ANKRD31: variants seen among roughly 807,000 people sequenced by gnomAD.
ANKRD31 encodes ankyrin repeat domain 31, also known as ankyrin repeat domain-containing protein 31.
ANKRD31 carries 147 observed loss-of-function variants against 186.0 expected under a neutral mutation model. The ratio of observed to expected loss-of-function variants is 0.79; its 90% CI spans 0.69 to 0.91. The LOEUF (loss-of-function observed/expected upper bound fraction) is 0.91, where lower values mean the gene tolerates loss of function less well. ANKRD31 is among the 40% of genes least tolerant of loss of function. ANKRD31 has a pLI of 0.00. For synonymous variants in ANKRD31, 673 were observed against 736.4 expected, an observed-to-expected ratio of 0.91 and a Z score of 1.39; for missense variants, 1,986 against 2,148.8, an observed-to-expected ratio of 0.92 and a Z score of 1.50.
At chr5:75,094,649 CA>C (rs1746174779) in intron 22 of ANKRD31, among the ~76,000 whole-genome samples, 1 of 151,644 alleles carries the variant, frequency 6.6e-6, no homozygotes, top group Non-Finnish European at 1.5e-5. Context: ...TATATTGAAA[CA>C]AAAAATAAAA....
chr5:75,214,052 G>C (rs762524363), intron 3 of ANKRD31, among the ~76,000 whole-genome samples: 1 of 152,196 alleles, frequency 6.6e-6, no homozygotes, highest in South Asian at 2.1e-4. Context: ...CTTTCTTTCA[G>C]AGTGAGGTAC....
intron 6 of ANKRD31, among the ~76,000 whole-genome samples, chr5:75,198,460 G>C (rs781612785): frequency 2.6e-5 from 4 of 152,122 alleles, no homozygotes; most frequent in African/African-American, 7.2e-5. Flanking sequence ...AAAAATACTT[G>C]GTTGAGCAAA....
Position 75,196,089 on chromosome 5 carries a change from T to A in ANKRD31, c.559A>T (p.Ile187Phe). The stretch of plus-strand genomic sequence containing the variant: ...AAAAATGTATTTGGTGCTGCTAAAA[T>A]CTTCTCTGGCTCTACTAATGATGTC... ...KETSLVEPEK[I>F]LAAPNTFFEP... Residue 187 changes from isoleucine to phenylalanine, a missense_variant, in exon 7 of 26, where the codon ATT becomes TTT. By Grantham distance (21) the Ile-to-Phe change is conservative (BLOSUM62 0). Coordinates refer to ENST00000506364, the MANE Select transcript of ANKRD31 (RefSeq NM_001372053.1). The A allele has an allele frequency of 6.5e-7, 1 of 1,536,948 alleles. No homozygotes were observed. The highest frequency in any genetic ancestry group is 1.2e-5 in the South Asian group (1 of 84,008).
At chr5:75,132,477 A>C (rs6874412) in intron 17 of ANKRD31, among the ~76,000 whole-genome samples, 2,167 of 152,298 alleles carry the variant, frequency 0.014, 48 homozygotes, top group African/African-American at 0.047. Flanking sequence ...AAAAAGAGTA[A>C]AAAGAAATGA....
Position 75,105,196 on chromosome 5 carries a change from G to A in ANKRD31, c.4363C>T (p.His1455Tyr), listed in dbSNP as rs1301263989. 6.5e-6 allele frequency: 10 copies of A among 1,527,694 alleles called. No homozygotes were observed. Among genetic ancestry groups the A allele is most frequent in the Non-Finnish European group, 7.0e-6 (8 of 1,143,872 alleles). 94.6% of individuals were successfully genotyped at this position (1,527,694 alleles called of 1,614,324 possible). A position where few individuals can be genotyped will look rare whatever the true frequency, so the allele number is the denominator to read the frequency against. The change falls in exon 22 of 26, where the codon CAT becomes TAT. Residue 1455 changes from histidine (H) to tyrosine (Y), a missense_variant. Transcript: ENST00000506364. ...GCCAATTGTTCTCTCAGGGCTCCAT[G>A]CTTAAATGACTCTATGGATACCCTA... ...KYRVSIESFKHGALREQLANL... is the reference protein window; with the variant it reads ...KYRVSIESFKYGALREQLANL...
intron 10 of ANKRD31, among the ~76,000 whole-genome samples, chr5:75,175,764 T>C (rs890538692): frequency 3.9e-5 from 6 of 151,902 alleles, no homozygotes; most frequent in Admixed American, 3.9e-4. Context: ...GGAGCCAAGA[T>C]GGCCGAACAG....
chr5:75,135,799 G>T (rs1295764579), intron 17 of ANKRD31, among the ~76,000 whole-genome samples: 2 of 152,116 alleles, frequency 1.3e-5, no homozygotes, highest in African/African-American at 2.4e-5. Context: ...AAACAGCATG[G>T]TACTGGCACC....
chr5:75,174,234 T>C (rs1029977677), intron 10 of ANKRD31, among the ~76,000 whole-genome samples: 1 of 152,182 alleles, frequency 6.6e-6, no homozygotes, highest in Non-Finnish European at 1.5e-5. Flanking sequence ...TAATTCAAGA[T>C]GGATTAAAGA....
At chr5:75,229,676 C>G (rs899760038) in intron 2 of ANKRD31, among the ~76,000 whole-genome samples, 1 of 151,830 alleles carries the variant, frequency 6.6e-6, no homozygotes, top group Non-Finnish European at 1.5e-5. Context: ...ACCAGCCTGG[C>G]CAATATGGTG....
At chr5:75,131,290 G>A (rs1006057605) in intron 17 of ANKRD31, among the ~76,000 whole-genome samples, 1 of 152,208 alleles carries the variant, frequency 6.6e-6, no homozygotes, top group Admixed American at 6.5e-5. Flanking sequence ...AGGCCGAGGA[G>A]GCACCGAGAG....
intron 23 of ANKRD31, among the ~76,000 whole-genome samples, chr5:75,085,824 A>T (rs2150022098): frequency 6.6e-6 from 1 of 152,362 alleles, no homozygotes; most frequent in East Asian, 1.9e-4. Context: ...CATGAAAAGC[A>T]TCTGGCATAC....
At chr5:75,192,947 G>A (rs1461848876) in intron 8 of ANKRD31, among the ~76,000 whole-genome samples, 171 bp from the exon 9 acceptor site, 1 of 152,150 alleles carries the variant, frequency 6.6e-6, no homozygotes, top group African/African-American at 2.4e-5. Flanking sequence ...TAATTCTGCA[G>A]CAGGCATGCC....
At chr5:75,140,214 AAAG>A (rs1750909262) in intron 15 of ANKRD31, among the ~76,000 whole-genome samples, 1 of 149,600 alleles carries the variant, frequency 6.7e-6, no homozygotes, top group Admixed American at 6.6e-5. Context: ...AAAAAAAAGA[AAAG>A]AAAAGAAAAG....
chr5:75,185,023 C>T (rs1754602610), intron 10 of ANKRD31, among the ~76,000 whole-genome samples: 1 of 151,982 alleles, frequency 6.6e-6, no homozygotes, highest in South Asian at 2.1e-4. Flanking sequence ...GAATACTATT[C>T]AGCCATAAAA....
At position 75,206,443 on chromosome 5, in the gene ANKRD31, G is replaced by C; in HGVS notation, c.371C>G (p.Ser124Cys). ...CSMFIGSFRQ[S>C]GLSLNHQNIE... ...ATTTTGGTGGTTCAATGAAAGTCCA[G>C]ACTGGCGAAACGACCCAATGAACAT... is the stretch of plus-strand genomic sequence containing the variant. The change falls in exon 5 of 26, where the codon TCT (serine) becomes TGT (cysteine). Residue 124 changes from serine (S) to cysteine (C), a missense_variant. Physicochemically the swap from Ser to Cys is moderately radical, Grantham distance 112 (BLOSUM62 -1). Coordinates refer to ENST00000506364, the MANE Select transcript of ANKRD31 (RefSeq NM_001372053.1). 6.7e-7 allele frequency: 1 copy of C among 1,486,002 alleles called. No individual in the cohort carries two copies. The highest frequency in any genetic ancestry group is 8.9e-7 in the Non-Finnish European group (1 of 1,125,426). The allele number at this position is 1,486,002 out of a possible 1,614,324, so 92.1% of individuals were successfully genotyped here.
Position 75,189,014 on chromosome 5 carries a change from A to G in ANKRD31, c.1409-366T>C, listed in dbSNP as rs74351710. 4.2e-4 allele frequency among the ~76,000 whole-genome samples: 64 copies of G among 152,282 alleles called. No homozygotes were observed. In the East Asian group the frequency reaches 0.011, roughly 27 times the overall value. On this transcript the variant is annotated intron_variant, in intron 9 of 25. Transcript: ENST00000506364. Reference sequence around the variant, plus strand: ...AAGGATTATTTAAACCTAGAATAATATATTATCAAATTTAATAAAATGTTA... The same window carrying G: ...AAGGATTATTTAAACCTAGAATAATGTATTATCAAATTTAATAAAATGTTA...
intron 9 of ANKRD31, among the ~76,000 whole-genome samples, chr5:75,191,033 G>A (rs1252290145): frequency 6.6e-6 from 1 of 151,928 alleles, no homozygotes; most frequent in Admixed American, 6.6e-5. Context: ...TTCTTTTAAA[G>A]GTATGTAGTT....
chr5:75,097,167 A>G (rs1471470978), intron 22 of ANKRD31, among the ~76,000 whole-genome samples: 1 of 152,222 alleles, frequency 6.6e-6, no homozygotes, highest in East Asian at 1.9e-4. Context: ...TCCTTTGGGC[A>G]TATACCCAGT....
At chr5:75,133,933 T>G (rs12108872) in intron 17 of ANKRD31, among the ~76,000 whole-genome samples, 6 of 151,686 alleles carry the variant, frequency 4.0e-5, no homozygotes, top group African/African-American at 1.5e-4. Context: ...CATAACGAAA[T>G]GAAGGCAGAA....
Sources: allele counts gnomAD v4.1 joint callset (sites outside exome capture counted in the v4.1 genomes callset), GRCh38; gene constraint gnomAD v4.1.1; transcripts MANE v1.5; gene names NCBI Gene and HGNC (gene_info 2026-07-23, HGNC 2026-07-21).